The following RASAL2 variants were observed in gnomAD, a reference collection of about 807,000 sequenced individuals.
RASAL2 encodes the protein RAS protein activator like 2, also known as ras GTPase-activating protein nGAP.
RASAL2 carries 58 observed loss-of-function variants against 128.9 expected under a neutral mutation model. The ratio of observed to expected loss-of-function variants is 0.45; its 90% CI spans 0.36 to 0.56. RASAL2 has a LOEUF of 0.56. Ranked by LOEUF, RASAL2 falls within the 20% of genes least tolerant of loss-of-function variation. The pLI, the probability that RASAL2 is intolerant of heterozygous loss-of-function variation, is 0.00. For missense variants in RASAL2, 1,360 were observed against 1,601.6 expected (o/e 0.85, Z 2.57); for synonymous variants, 561 against 580.8 (o/e 0.97, Z 0.49).
At chr1:178,272,056 A>G (rs1183599037) in intron 1 of RASAL2, among the ~76,000 whole-genome samples, 1 of 152,064 alleles carries the variant, frequency 6.6e-6, no homozygotes, top group Admixed American at 6.5e-5. Context: ...TTCTCACAGC[A>G]CCCTATACTG....
At chr1:178,361,885 A>T (rs185009699) in intron 3 of RASAL2, among the ~76,000 whole-genome samples, 1 of 151,638 alleles carries the variant, frequency 6.6e-6, no homozygotes, top group African/African-American at 2.4e-5. Flanking sequence ...GTGATGGGAG[A>T]CAGTGACAGA....
At chr1:178,388,567 C>G (rs751971479) in intron 3 of RASAL2, among the ~76,000 whole-genome samples, 1 of 152,170 alleles carries the variant, frequency 6.6e-6, no homozygotes, top group Non-Finnish European at 1.5e-5. Flanking sequence ...TTGTCAGCCT[C>G]TCAGTCTTTA....
chr1:178,439,675 A>G, intron 6 of RASAL2, 100 bp downstream of exon 6: 8 of 1,064,268 alleles, frequency 7.5e-6, no homozygotes, highest in Non-Finnish European at 1.0e-5. Flanking sequence ...TGATGATTTA[A>G]TTAACTGGTT....
At chr1:178,285,189 C>G (rs926158229) in intron 2 of RASAL2, among the ~76,000 whole-genome samples, 2 of 141,614 alleles carry the variant, frequency 1.4e-5, no homozygotes, top group Non-Finnish European at 3.0e-5. Flanking sequence ...GGCACAATCT[C>G]GGCTCACTGC....
chr1:178,186,318 A>G (rs1175179316), intron 1 of RASAL2, among the ~76,000 whole-genome samples: 1 of 151,732 alleles, frequency 6.6e-6, no homozygotes, highest in Non-Finnish European at 1.5e-5. Flanking sequence ...TGATCTATTC[A>G]AAGAACCAGC....
intron 1 of RASAL2, among the ~76,000 whole-genome samples, chr1:178,265,890 T>C (rs1665925729): frequency 6.6e-6 from 1 of 152,248 alleles, no homozygotes; most frequent in Non-Finnish European, 1.5e-5. Flanking sequence ...CTTTTTTTGC[T>C]CAACGTTATA....
At chr1:178,313,821 A>G (rs960381155) in intron 3 of RASAL2, among the ~76,000 whole-genome samples, 2 of 152,184 alleles carry the variant, frequency 1.3e-5, no homozygotes, top group Non-Finnish European at 2.9e-5. Context: ...TTAGCCTTTA[A>G]AACAGCTTAG....
At chr1:178,154,125 C>T (rs1661001664) in intron 1 of RASAL2, among the ~76,000 whole-genome samples, 1 of 151,050 alleles carries the variant, frequency 6.6e-6, no homozygotes, top group Admixed American at 6.6e-5. Context: ...TGTGAGCCAT[C>T]GTGCATGGCC....
At chr1:178,223,949 A>G (rs1571656050) in intron 1 of RASAL2, among the ~76,000 whole-genome samples, 1 of 152,312 alleles carries the variant, frequency 6.6e-6, no homozygotes, top group East Asian at 1.9e-4. Flanking sequence ...TTTAAAAGAA[A>G]GATCATAGTG....
chr1:178,265,853 T>G (rs1665923482), intron 1 of RASAL2, among the ~76,000 whole-genome samples: 1 of 152,262 alleles, frequency 6.6e-6, no homozygotes, highest in African/African-American at 2.4e-5. Flanking sequence ...ATTTTGATGT[T>G]TAAACAAAAT....
At chr1:178,376,341 A>G (rs1292660656) in intron 3 of RASAL2, among the ~76,000 whole-genome samples, 1 of 152,170 alleles carries the variant, frequency 6.6e-6, no homozygotes, top group Non-Finnish European at 1.5e-5. Flanking sequence ...ACCACAGGTT[A>G]AGCCTTTTGC....
chr1:178,378,623 A>G (rs905321025), intron 3 of RASAL2, among the ~76,000 whole-genome samples: 2 of 152,172 alleles, frequency 1.3e-5, no homozygotes, highest in African/African-American at 4.8e-5. Context: ...AGAAATTAGT[A>G]ACAAAAATTT....
intron 1 of RASAL2, among the ~76,000 whole-genome samples, chr1:178,275,053 TG>T (rs1344243929): frequency 6.6e-6 from 1 of 152,226 alleles, no homozygotes; most frequent in Non-Finnish European, 1.5e-5. Context: ...ACTGATCTAT[TG>T]GGATTGAAGA....
At chr1:178,146,039 A>C (rs1211417631) in intron 1 of RASAL2, among the ~76,000 whole-genome samples, 1 of 152,236 alleles carries the variant, frequency 6.6e-6, no homozygotes, top group African/African-American at 2.4e-5. Flanking sequence ...ATTCTCTTCT[A>C]TAGTGAGAGA....
At chr1:178,308,298 T>G (rs1055525859) in intron 3 of RASAL2, among the ~76,000 whole-genome samples, 4 of 152,052 alleles carry the variant, frequency 2.6e-5, no homozygotes, top group Admixed American at 2.6e-4. Flanking sequence ...AATTTTTATG[T>G]TTGTATACAT....
chr1:178,470,156 G>C (rs554182550), intron 17 of RASAL2, among the ~76,000 whole-genome samples: 1 of 152,296 alleles, frequency 6.6e-6, no homozygotes, highest in Admixed American at 6.5e-5. Flanking sequence ...GTGAATGATG[G>C]AGCAGAGCAG....
intron 3 of RASAL2, among the ~76,000 whole-genome samples, chr1:178,378,039 T>C (rs1203506033): frequency 6.7e-6 from 1 of 149,304 alleles, no homozygotes; most frequent in Middle Eastern, 3.3e-3. Context: ...CAGAAAAAAA[T>C]GGGGAAAAAA....
At chr1:178,411,502 A>G (rs1485014564) in intron 4 of RASAL2, 4 of 536,796 alleles carry the variant, frequency 7.5e-6, no homozygotes, top group Non-Finnish European at 1.4e-5. Context: ...CCACTAAAGA[A>G]CTTTTCCATG....
intron 1 of RASAL2, among the ~76,000 whole-genome samples, chr1:178,227,247 T>G (rs1663825915): frequency 6.6e-6 from 1 of 152,202 alleles, no homozygotes; most frequent in Admixed American, 6.5e-5. Context: ...TCTTAGCCAT[T>G]TAAAATGGTG....
Sources: gnomAD v4.1 joint callset for allele counts (sites outside exome capture counted in the v4.1 genomes callset) on GRCh38, gnomAD v4.1.1 for gene constraint, MANE v1.5 for transcripts, NCBI Gene and HGNC (gene_info 2026-07-23, HGNC 2026-07-21) for gene names.